Variants in NTRK2 observed in about 807,000 individuals in gnomAD.
The protein encoded by NTRK2 is neurotrophic receptor tyrosine kinase 2, also known as BDNF/NT-3 growth factors receptor.
A neutral mutation model predicts 94.5 loss-of-function variants in NTRK2; 13 were observed. The observed-to-expected ratio is 0.14, with a 90% CI of 0.09 to 0.22. NTRK2 has a LOEUF of 0.22. Ranked by LOEUF, NTRK2 falls within the 10% of genes least tolerant of loss-of-function variation. NTRK2 has a pLI of 1.00. For missense variants in NTRK2, 639 were observed against 1,071.2 expected (o/e 0.60, Z 5.63); for synonymous variants, 372 against 407.4 (o/e 0.91, Z 1.05).
intron 2 of NTRK2, among the ~76,000 whole-genome samples, chr9:84,685,948 T>C (rs1367905940): frequency 6.6e-6 from 1 of 152,256 alleles, no homozygotes; most frequent in Non-Finnish European, 1.5e-5. Context: ...TACTGCTCTT[T>C]CCTAGCATCT....
At chr9:84,788,863 G>T (rs2133166620) in intron 12 of NTRK2, among the ~76,000 whole-genome samples, 1 of 152,242 alleles carries the variant, frequency 6.6e-6, no homozygotes, top group East Asian at 1.9e-4. Context: ...CAGGCAGTGA[G>T]AAACAAGGAA....
At chr9:84,811,377 G>T (rs2071769212) in intron 12 of NTRK2, 1 of 1,066,272 alleles carries the variant, frequency 9.4e-7, no homozygotes, top group South Asian at 4.5e-5. Context: ...TGGGGCTATA[G>T]ATTTAAGTTA....
chr9:84,929,756 T>G (rs146127554), intron 14 of NTRK2, among the ~76,000 whole-genome samples: 1,964 of 152,222 alleles, frequency 0.013, 36 homozygotes, highest in African/African-American at 0.045. Context: ...GAGACAGGGT[T>G]TCACCACGTT....
chr9:84,889,191 C>T (rs1012307230), intron 14 of NTRK2, among the ~76,000 whole-genome samples: 12 of 149,130 alleles, frequency 8.0e-5, no homozygotes, highest in Non-Finnish European at 1.5e-4. Context: ...GGGGTTTCAC[C>T]GTGTTAGCCA....
intron 12 of NTRK2, among the ~76,000 whole-genome samples, chr9:84,782,315 A>G (rs1449685012): frequency 6.6e-6 from 1 of 152,200 alleles, no homozygotes; most frequent in East Asian, 1.9e-4. Flanking sequence ...AAAACTTTGG[A>G]AAACCATTTA....
chr9:84,932,593 T>G (rs1390836985), intron 14 of NTRK2, among the ~76,000 whole-genome samples: 1 of 152,212 alleles, frequency 6.6e-6, no homozygotes, highest in African/African-American at 2.4e-5. Flanking sequence ...TTAAAAAATG[T>G]TATCAAGTTA....
intron 12 of NTRK2, among the ~76,000 whole-genome samples, chr9:84,840,018 C>A (rs151210428): frequency 1.9e-3 from 285 of 152,090 alleles, no homozygotes; most frequent in African/African-American, 5.9e-3. Flanking sequence ...TCGTTCTTTC[C>A]CTTTCTTCCT....
chr9:84,804,576 C>T (rs552650558), intron 12 of NTRK2, among the ~76,000 whole-genome samples: 11 of 152,266 alleles, frequency 7.2e-5, no homozygotes, highest in Admixed American at 6.5e-4. Context: ...TCATTAACCT[C>T]TTGTTTGGAC....
At chr9:84,771,712 C>A (rs1253390111) in intron 12 of NTRK2, among the ~76,000 whole-genome samples, 1 of 152,154 alleles carries the variant, frequency 6.6e-6, no homozygotes, top group Non-Finnish European at 1.5e-5. Flanking sequence ...TCACTTCCTT[C>A]AGGAATGCTT....
intron 14 of NTRK2, among the ~76,000 whole-genome samples, chr9:84,904,250 C>T (rs949966727): frequency 1.3e-5 from 2 of 152,190 alleles, no homozygotes; most frequent in Admixed American, 1.3e-4. Context: ...ATGGAATTTG[C>T]AGAGAACTTG....
At chr9:84,720,215 G>A (rs142625191) in intron 6 of NTRK2, among the ~76,000 whole-genome samples, 1 of 152,050 alleles carries the variant, frequency 6.6e-6, no homozygotes, top group Non-Finnish European at 1.5e-5. Flanking sequence ...GAGAGTACAG[G>A]GAACACCAAA....
intron 12 of NTRK2, among the ~76,000 whole-genome samples, chr9:84,821,815 TAGAG>T (rs55923826): frequency 0.057 from 8,459 of 147,394 alleles, 752 homozygotes; most frequent in African/African-American, 0.19. Context: ...GGGAGAGAAG[TAGAG>T]AGAGAGAGAG....
chr9:84,698,672 A>T (rs1347574564), intron 2 of NTRK2, among the ~76,000 whole-genome samples: 2 of 152,232 alleles, frequency 1.3e-5, no homozygotes, highest in Non-Finnish European at 2.9e-5. Context: ...ATTTCAGAGA[A>T]ATTTCATCAC....
chr9:84,996,750 G>A (rs889460972), intron 17 of NTRK2, among the ~76,000 whole-genome samples: 20 of 152,186 alleles, frequency 1.3e-4, no homozygotes, highest in Non-Finnish European at 5.9e-5. Flanking sequence ...ATTGTATACA[G>A]AGGAGATGAA....
rs75304564 is a variant in NTRK2, at chr9:84,835,622, C to G, written c.1397-25418C>G. Among the ~76,000 whole-genome samples, 9 of 152,158 alleles carry G rather than the reference C, an allele frequency of 5.9e-5. No homozygotes were observed. The South Asian group carries it at 8.3e-4, about 14-fold the overall frequency. ...CAGAAAACCAAAGCTGCCCCTCCCCCCTTCTTTGTAATGGTCAGGTTGTAA... is the reference window on the plus strand; with the variant it reads ...CAGAAAACCAAAGCTGCCCCTCCCCGCTTCTTTGTAATGGTCAGGTTGTAA... On this transcript the variant is annotated intron_variant, in intron 12 of 18. Coordinates refer to ENST00000277120, the MANE Select transcript of NTRK2 (RefSeq NM_006180.6).
At chr9:84,681,889 A>G (rs897320149) in intron 2 of NTRK2, among the ~76,000 whole-genome samples, 1 of 152,228 alleles carries the variant, frequency 6.6e-6, no homozygotes, top group Admixed American at 6.5e-5. Flanking sequence ...TATAACTATT[A>G]CATGGACCAG....
chr9:84,813,582 G>T, intron 12 of NTRK2: 1 of 1,065,626 alleles, frequency 9.4e-7, no homozygotes, highest in Non-Finnish European at 1.1e-6. Flanking sequence ...TCTGCAACAT[G>T]TCAATTACCT....
At chr9:84,781,969 G>A (rs2067615139) in intron 12 of NTRK2, among the ~76,000 whole-genome samples, 1 of 151,410 alleles carries the variant, frequency 6.6e-6, no homozygotes, top group Non-Finnish European at 1.5e-5. Flanking sequence ...TACCTTGGAG[G>A]GTGTTCTAAA....
intron 15 of NTRK2, among the ~76,000 whole-genome samples, chr9:84,941,498 A>C (rs1199180583): frequency 6.6e-6 from 1 of 152,212 alleles, no homozygotes. Flanking sequence ...CTCATCTGGC[A>C]TCAAACATAG....
Sources: gnomAD v4.1 joint callset for allele counts (sites outside exome capture counted in the v4.1 genomes callset) on GRCh38, gnomAD v4.1.1 for gene constraint, MANE v1.5 for transcripts, NCBI Gene and HGNC (gene_info 2026-07-23, HGNC 2026-07-21) for gene names.